The following POU3F3 variants were observed in gnomAD, a reference collection of about 807,000 sequenced individuals.
POU3F3 encodes POU class 3 homeobox 3.
In POU3F3, 1 loss-of-function variant was observed where a neutral mutation model predicts 8.6. That is an observed-to-expected ratio of 0.12 (90% confidence interval 0.04 to 0.55). POU3F3 has a LOEUF of 0.55. POU3F3 is among the 20% of genes least tolerant of loss of function. POU3F3 has a pLI of 0.91. For missense variants in POU3F3, 577 were observed against 690.7 expected (o/e 0.84, Z 1.84); for synonymous variants, 418 against 327.4 (o/e 1.28, Z -2.99).
chr2:104,924,483 C>T, the POU3F3 span, among the ~76,000 whole-genome samples: 2 of 152,200 alleles, frequency 1.3e-5, no homozygotes, highest in Non-Finnish European at 2.9e-5. Context: ...CCAGCCCTCC[C>T]TTGGCCTACT....
chr2:104,903,104 A>G, the POU3F3 span, among the ~76,000 whole-genome samples: 1 of 152,228 alleles, frequency 6.6e-6, no homozygotes, highest in Non-Finnish European at 1.5e-5. Flanking sequence ...ACTGTCTGCT[A>G]AAGACATTGT....
At chr2:104,875,940 A>G in the POU3F3 span, among the ~76,000 whole-genome samples, 1 of 151,680 alleles carries the variant, frequency 6.6e-6, no homozygotes, top group Non-Finnish European at 1.5e-5. Context: ...CTGGTCAGGA[A>G]CTCCTGACCT....
At chr2:104,899,758 C>A in the POU3F3 span, among the ~76,000 whole-genome samples, 1 of 152,314 alleles carries the variant, frequency 6.6e-6, no homozygotes, top group Non-Finnish European at 1.5e-5. Context: ...GAGAGAGGCA[C>A]TTTGAGGTTT....
chr2:104,890,315 C>T, the POU3F3 span, among the ~76,000 whole-genome samples: 1 of 151,962 alleles, frequency 6.6e-6, no homozygotes, highest in Non-Finnish European at 1.5e-5. Context: ...TTCCTTTTTC[C>T]TTTTTGCCCA....
At chr2:104,921,053 C>T in the POU3F3 span, among the ~76,000 whole-genome samples, 1 of 152,254 alleles carries the variant, frequency 6.6e-6, no homozygotes, top group South Asian at 2.1e-4. Context: ...AGGGCCACAC[C>T]TAGTTGCTAG....
chr2:104,863,148 C>A (rs372738987), downstream of POU3F3, among the ~76,000 whole-genome samples: 8 of 142,004 alleles, frequency 5.6e-5, no homozygotes, highest in East Asian at 4.0e-4. Context: ...CTTCCCCAGC[C>A]TCATAATAAC....
the POU3F3 span, among the ~76,000 whole-genome samples, chr2:104,921,352 A>G: frequency 6.6e-6 from 1 of 152,210 alleles, no homozygotes; most frequent in Non-Finnish European, 1.5e-5. Flanking sequence ...CTCCCCACCT[A>G]GACAATAATT....
the POU3F3 span, among the ~76,000 whole-genome samples, chr2:104,897,614 T>C: frequency 3.8e-3 from 584 of 152,206 alleles, 8 homozygotes; most frequent in African/African-American, 0.013. Flanking sequence ...CCCGCCCATG[T>C]GGGGAACACA....
the POU3F3 span, among the ~76,000 whole-genome samples, chr2:104,920,190 T>C: frequency 7.4e-4 from 113 of 152,278 alleles, no homozygotes; most frequent in Non-Finnish European, 1.4e-3. Context: ...AACTTTTGTA[T>C]TTTTAGTAGA....
chr2:104,903,361 C>T, the POU3F3 span, among the ~76,000 whole-genome samples: 12 of 152,282 alleles, frequency 7.9e-5, no homozygotes, highest in African/African-American at 2.6e-4. Flanking sequence ...TCCCATGCAC[C>T]GGTGCTATAT....
At chr2:104,868,656 C>T in the POU3F3 span, among the ~76,000 whole-genome samples, 2 of 152,170 alleles carry the variant, frequency 1.3e-5, no homozygotes, top group Non-Finnish European at 2.9e-5. Context: ...GCTTCCACTT[C>T]CCAAATGGCT....
At chr2:104,888,305 C>T in the POU3F3 span, among the ~76,000 whole-genome samples, 1 of 152,134 alleles carries the variant, frequency 6.6e-6, no homozygotes, top group African/African-American at 2.4e-5. Flanking sequence ...TGCAAGAAAT[C>T]GAGAAGCTAG....
the POU3F3 span, among the ~76,000 whole-genome samples, chr2:104,890,107 T>C: frequency 2.6e-5 from 4 of 152,086 alleles, no homozygotes; most frequent in African/African-American, 4.8e-5. Flanking sequence ...CCAAGCGAGA[T>C]AGCCAAGTAA....
At chr2:104,904,823 G>T in the POU3F3 span, among the ~76,000 whole-genome samples, 1 of 152,142 alleles carries the variant, frequency 6.6e-6, no homozygotes, top group Non-Finnish European at 1.5e-5. Flanking sequence ...TACCTGGGGT[G>T]CAAGAGAGGG....
chr2:104,855,796 C>A lies in POU3F3; in HGVS notation c.286C>A (p.Gln96Lys). 1 of 1,300,438 alleles carries A rather than the reference C, an allele frequency of 7.7e-7. No homozygotes were observed. The highest frequency in any genetic ancestry group is 1.0e-6 in the Non-Finnish European group (1 of 1,004,562). 80.6% of individuals were successfully genotyped at this position (1,300,438 alleles called of 1,614,324 possible). Residue 96 changes from glutamine (Q) to lysine (K), a missense_variant, in exon 1 of 1, where the codon CAG becomes AAG. Coordinates refer to ENST00000361360, the MANE Select transcript of POU3F3 (RefSeq NM_006236.3). ...CGGCCATATGCTGAGCCACGCGCAC[C>A]AGTGGGTCACAGCCCTGCCCCACGC... is the stretch of plus-strand genomic sequence containing the variant. ...NGGHMLSHAH[Q>K]WVTALPHAAA...
chr2:104,901,543 C>T, the POU3F3 span, among the ~76,000 whole-genome samples: 1 of 152,198 alleles, frequency 6.6e-6, no homozygotes, highest in Non-Finnish European at 1.5e-5. Context: ...GTCACCATTG[C>T]CCTAGTGTCC....
chr2:104,866,580 G>A, the POU3F3 span: 1 of 152,210 alleles, frequency 6.6e-6, no homozygotes, highest in Non-Finnish European at 1.5e-5. Flanking sequence ...GTAACTTGAG[G>A]AATCCCAGTG....
At position 104,856,935 on chromosome 2, in the gene POU3F3, C is replaced by A. The variant is rs758371926; in HGVS notation, c.1425C>A (p.Asp475Glu). ...CCGGGATCCAACAGCAGACGCCCGA[C>A]GACGTCTACTCGCAGGTGGGCACCG... is the stretch of plus-strand genomic sequence containing the variant. Reference protein sequence around the residue: ...TPPGIQQQTPDDVYSQVGTVS... With the variant: ...TPPGIQQQTPEDVYSQVGTVS... Residue 475 changes from aspartate (D) to glutamate (E), a missense_variant, in exon 1 of 1, where the codon GAC becomes GAA. Asp to Glu is a conservative substitution (Grantham distance 45). Coordinates refer to ENST00000361360, the MANE Select transcript of POU3F3 (RefSeq NM_006236.3). The A allele has an allele frequency of 6.2e-7, 1 of 1,613,382 alleles. No individual in the cohort carries two copies. The highest frequency in any genetic ancestry group is 1.1e-5 in the South Asian group (1 of 91,078).
chr2:104,863,159 AATTATTATTATTATTATTATT>A (rs3056838), downstream of POU3F3, among the ~76,000 whole-genome samples: 22 of 134,844 alleles, frequency 1.6e-4, no homozygotes, highest in African/African-American at 5.0e-4. Flanking sequence ...TCATAATAAC[AATTATTATTATTATTATTATT>A]ATTATTATTA....
Sources: gnomAD v4.1 joint callset for allele counts (sites outside exome capture counted in the v4.1 genomes callset) on GRCh38, gnomAD v4.1.1 for gene constraint, MANE v1.5 for transcripts, NCBI Gene and HGNC (gene_info 2026-07-23, HGNC 2026-07-21) for gene names.